Variants in GDA observed in about 807,000 individuals in gnomAD.
GDA encodes the protein cytoplasmic PSD-95 interactor.
GDA carries 18 observed loss-of-function variants against 59.6 expected under a neutral mutation model. That is an observed-to-expected ratio of 0.30 (90% confidence interval 0.21 to 0.45). GDA has a LOEUF of 0.45. Among genes scored for constraint, GDA ranks in the 20% least tolerant of loss-of-function variants. The pLI, the probability that GDA is intolerant of heterozygous loss-of-function variation, is 1.00. For synonymous variants in GDA, 201 were observed against 201.1 expected (o/e 1.00, Z 0.00); for missense variants, 427 against 552.3 (o/e 0.77, Z 2.27).
At chr9:72,133,525 G>A (rs115984367) in intron 1 of GDA, among the ~76,000 whole-genome samples, 206 of 152,050 alleles carry the variant, frequency 1.4e-3, no homozygotes, top group African/African-American at 4.6e-3. Flanking sequence ...TGGGAATGTC[G>A]AGCTGGCAAG....
At chr9:72,224,110 C>T (rs1837242798) in intron 7 of GDA, among the ~76,000 whole-genome samples, 1 of 152,202 alleles carries the variant, frequency 6.6e-6, no homozygotes, top group Admixed American at 6.5e-5. Context: ...GATGTTTCTG[C>T]TTTGCAAACA....
chr9:72,126,544 G>A (rs1825853730), intron 1 of GDA, among the ~76,000 whole-genome samples: 1 of 150,376 alleles, frequency 6.6e-6, no homozygotes, highest in Non-Finnish European at 1.5e-5. Flanking sequence ...AACTGTAAAG[G>A]GAGACTGAGA....
chr9:72,149,504 C>A lies in GDA; in HGVS notation c.-56C>A. On this transcript the variant is annotated 5_prime_UTR_variant, in exon 1 of 14. Coordinates refer to ENST00000358399, the MANE Select transcript of GDA (RefSeq NM_004293.5). The stretch of plus-strand genomic sequence containing the variant: ...GCAGCTGCAGAGAGTCCCGCTGCGT[C>A]TCCGCCGCGTGCGCCCTCCTCGACC... The A allele has an allele frequency of 6.3e-7, 1 of 1,595,892 alleles. No individual in the cohort carries two copies. Among genetic ancestry groups the A allele is most frequent in the South Asian group, 1.1e-5 (1 of 90,046 alleles).
intron 1 of GDA, among the ~76,000 whole-genome samples, chr9:72,178,716 C>A (rs918111427): frequency 6.6e-6 from 1 of 152,060 alleles, no homozygotes; most frequent in Non-Finnish European, 1.5e-5. Flanking sequence ...CCGTACCCAG[C>A]CTGGAATCGA....
chr9:72,137,246 T>TTC (rs1554722889), intron 1 of GDA, among the ~76,000 whole-genome samples: 4 of 127,258 alleles, frequency 3.1e-5, no homozygotes, highest in African/African-American at 2.9e-5. Flanking sequence ...TTTTTTCTTT[T>TTC]TTTTTTTTTT....
downstream of GDA, among the ~76,000 whole-genome samples, chr9:72,259,605 A>G (rs1228518410): frequency 6.6e-6 from 1 of 152,134 alleles, no homozygotes; most frequent in Admixed American, 6.5e-5. Flanking sequence ...AGGGCTCTGG[A>G]GATGGTGTGT....
At chr9:72,137,336 T>C (rs1204865620) in intron 1 of GDA, among the ~76,000 whole-genome samples, 2 of 128,764 alleles carry the variant, frequency 1.6e-5, no homozygotes, top group African/African-American at 5.7e-5. Context: ...AAGCTCCACC[T>C]CCCGGGTTCA....
intron 1 of GDA, among the ~76,000 whole-genome samples, chr9:72,132,084 C>A (rs563485311): frequency 6.6e-6 from 1 of 152,108 alleles, no homozygotes; most frequent in Non-Finnish European, 1.5e-5. Flanking sequence ...GCAGGAAATA[C>A]CTGCCCCTAT....
chr9:72,204,663 A>G (rs894055160), intron 3 of GDA, among the ~76,000 whole-genome samples: 4 of 152,230 alleles, frequency 2.6e-5, no homozygotes, highest in African/African-American at 9.6e-5. Flanking sequence ...GCCAAAATAT[A>G]TATTGTAAAG....
rs958541962 is a variant in GDA at position 72,151,660 on chromosome 9, T to C, written c.123+1978T>C. ...TCTCGCTCTGTCACCCAGGCTGGAGTGTAGTGGCTTGATCTTGGCTCACTG... is the reference window on the plus strand; with the variant it reads ...TCTCGCTCTGTCACCCAGGCTGGAGCGTAGTGGCTTGATCTTGGCTCACTG... On this transcript the variant is annotated intron_variant, in intron 1 of 13. Coordinates refer to ENST00000358399, the MANE Select transcript of GDA (RefSeq NM_004293.5). Among the ~76,000 whole-genome samples, 8 of 151,344 alleles carry C rather than the reference T, an allele frequency of 5.3e-5. No individual in the cohort carries two copies. In the Admixed American group the frequency reaches 5.3e-4, roughly 10 times the overall value.
chr9:72,191,743 AC>A (rs1164303380), intron 1 of GDA, among the ~76,000 whole-genome samples: 1 of 151,922 alleles, frequency 6.6e-6, no homozygotes, highest in Non-Finnish European at 1.5e-5. Context: ...CCACCACCAC[AC>A]CCAGCTGATT....
At chr9:72,192,389 G>A (rs1206230341) in intron 1 of GDA, among the ~76,000 whole-genome samples, 3 of 150,428 alleles carry the variant, frequency 2.0e-5, no homozygotes, top group Non-Finnish European at 3.0e-5. Flanking sequence ...CCACCACCAC[G>A]CCCAGCTAAT....
At chr9:72,201,267 GCCAAAA>G (rs1161446372) in intron 2 of GDA, among the ~76,000 whole-genome samples, 3 of 151,684 alleles carry the variant, frequency 2.0e-5, no homozygotes, top group African/African-American at 7.3e-5. Context: ...ATCTTAGCAG[GCCAAAA>G]CCAGAATGTA....
intron 1 of GDA, among the ~76,000 whole-genome samples, chr9:72,190,870 A>G (rs965395106): frequency 1.3e-5 from 2 of 152,176 alleles, no homozygotes; most frequent in African/African-American, 4.8e-5. Flanking sequence ...AAGTGTAAAA[A>G]GTTTTTTTCA....
chr9:72,154,632 G>T (rs1467895355), intron 1 of GDA, among the ~76,000 whole-genome samples: 1 of 152,202 alleles, frequency 6.6e-6, no homozygotes, highest in Middle Eastern at 3.2e-3. Flanking sequence ...TCACTAGCAA[G>T]CTATCTTTAG....
intron 3 of GDA, among the ~76,000 whole-genome samples, chr9:72,209,623 G>A (rs56008541): frequency 0.11 from 16,083 of 151,456 alleles, 926 homozygotes; most frequent in African/African-American, 0.13. Flanking sequence ...TTATCTTTTT[G>A]ATAATAGATT....
At chr9:72,117,097 G>A (rs1374031973) in intron 1 of GDA, among the ~76,000 whole-genome samples, 1 of 152,034 alleles carries the variant, frequency 6.6e-6, no homozygotes, top group Non-Finnish European at 1.5e-5. Flanking sequence ...CCCTACAAAG[G>A]ACATGAACTC....
At chr9:72,171,372 G>A (rs1829956195) in intron 1 of GDA, among the ~76,000 whole-genome samples, 1 of 151,886 alleles carries the variant, frequency 6.6e-6, no homozygotes, top group African/African-American at 2.4e-5. Flanking sequence ...ATGTATATTT[G>A]TGTATACTTC....
intron 1 of GDA, among the ~76,000 whole-genome samples, chr9:72,159,875 ATTC>A (rs1257731235): frequency 3.3e-5 from 5 of 152,176 alleles, no homozygotes; most frequent in South Asian, 4.1e-4. Context: ...TAAAATTTGT[ATTC>A]TTTTTCTTAA....
Sources: gnomAD v4.1 joint callset for allele counts (sites outside exome capture counted in the v4.1 genomes callset) on GRCh38, gnomAD v4.1.1 for gene constraint, MANE v1.5 for transcripts, NCBI Gene and HGNC (gene_info 2026-07-23, HGNC 2026-07-21) for gene names.